The following TNS1 variants were observed in gnomAD, a reference collection of about 807,000 sequenced individuals.
TNS1 encodes the protein tensin 1, also known as tensin-1.
In TNS1, 62 loss-of-function variants were observed where a neutral mutation model predicts 168.6. That is an observed-to-expected ratio of 0.37 (90% CI 0.30 to 0.45). The LOEUF is 0.45. TNS1 is among the 20% of genes least tolerant of loss of function. TNS1 has a pLI of 1.00. For synonymous variants in TNS1, 934 were observed against 933.2 expected (o/e 1.00, Z -0.02); for missense variants, 2,240 against 2,339.4 (o/e 0.96, Z 0.88).
At chr2:217,911,586 G>A (rs554645242) in intron 4 of TNS1, among the ~76,000 whole-genome samples, 1 of 152,226 alleles carries the variant, frequency 6.6e-6, no homozygotes, top group Non-Finnish European at 1.5e-5. Context: ...CCGGAACACA[G>A]TACTGGGCTC....
chr2:217,836,907 T>C (rs1271296517), intron 19 of TNS1, among the ~76,000 whole-genome samples: 5 of 152,078 alleles, frequency 3.3e-5, no homozygotes, highest in African/African-American at 1.2e-4. Flanking sequence ...AGAGAAGTCG[T>C]GTGCTCCATC....
intron 18 of TNS1, among the ~76,000 whole-genome samples, chr2:217,870,563 G>A (rs535545906): frequency 1.3e-5 from 2 of 152,154 alleles, no homozygotes; most frequent in South Asian, 4.2e-4. Flanking sequence ...AAACAGGGAG[G>A]GAGGCTGAGG....
At chr2:217,890,846 C>T (rs574727639) in intron 12 of TNS1, 116 bp downstream of exon 12, 64 of 1,157,514 alleles carry the variant, frequency 5.5e-5, no homozygotes, top group Non-Finnish European at 6.5e-5. Flanking sequence ...AAAACTTGCG[C>T]CTGGTACACC....
chr2:217,883,794 C>T (rs1405759699), intron 16 of TNS1, among the ~76,000 whole-genome samples: 6 of 152,200 alleles, frequency 3.9e-5, no homozygotes, highest in South Asian at 2.1e-4. Context: ...TAAAGAAACA[C>T]CCTTCTACAT....
upstream of TNS1, among the ~76,000 whole-genome samples, chr2:218,011,613 G>T (rs114506309): frequency 6.6e-6 from 1 of 152,056 alleles, no homozygotes; most frequent in South Asian, 2.1e-4. Context: ...ACCAGCCAGG[G>T]TCCCTTTCCC....
chr2:217,945,449 G>A (rs1957079816), intron 3 of TNS1, among the ~76,000 whole-genome samples: 1 of 151,262 alleles, frequency 6.6e-6, no homozygotes, highest in African/African-American at 2.4e-5. Context: ...TTGGGGATAG[G>A]GGAGAGAAGG....
chr2:217,907,327 G>A, intron 4 of TNS1, 76 bp from the exon 5 acceptor site: 1 of 694,412 alleles, frequency 1.4e-6, no homozygotes, highest in Middle Eastern at 2.3e-4. Context: ...CATGGCTAGT[G>A]GCCCTGATGG....
intron 28 of TNS1, 88 bp downstream of exon 28, chr2:217,812,280 C>T (rs1436567796): frequency 2.7e-6 from 3 of 1,092,186 alleles, no homozygotes; most frequent in Non-Finnish European, 2.7e-6. Flanking sequence ...CCAGCCCTGG[C>T]CCATGTCCGG....
At chr2:217,852,438 A>G (rs1343172995) in intron 18 of TNS1, among the ~76,000 whole-genome samples, 2 of 152,176 alleles carry the variant, frequency 1.3e-5, no homozygotes, top group Non-Finnish European at 2.9e-5. Flanking sequence ...GTTCATGCTC[A>G]TGTGGTCTGA....
In TNS1 at chr2:217,926,100, T is replaced by C. The variant is rs542370059; in HGVS notation, c.187-5864A>G. 1.2e-3 allele frequency among the ~76,000 whole-genome samples: 187 copies of C among 152,054 alleles called. 1 individual carries two copies. Among genetic ancestry groups the C allele is most frequent in the Non-Finnish European group, 2.2e-3 (147 of 68,004 alleles). ...TAGAGGAAACGAGGGCACAGAAATA[T>C]ACCAGGGAAGACCATGTGAAGGCAC... On this transcript the variant is annotated intron_variant, in intron 3 of 32. Transcript: ENST00000682258.
At chr2:217,844,209 G>A (rs1250055032) in intron 19 of TNS1, among the ~76,000 whole-genome samples, 2 of 151,940 alleles carry the variant, frequency 1.3e-5, no homozygotes, top group Non-Finnish European at 2.9e-5. Context: ...CATTCCTATG[G>A]TCAGCACCCT....
chr2:217,814,761 G>C (rs956490226), intron 25 of TNS1, 151 bp downstream of exon 25: 2 of 611,214 alleles, frequency 3.3e-6, no homozygotes. Context: ...TGCAGGAAGT[G>C]CTTCCTACTG....
chr2:217,961,260 C>CAGAGAG lies in TNS1; in HGVS notation c.186+17499_186+17504dup, dbSNP rs139190494. 8.1e-3 allele frequency among the ~76,000 whole-genome samples: 1,127 copies of CAGAGAG among 139,968 alleles called. 19 individuals are homozygous for CAGAGAG. Among genetic ancestry groups the CAGAGAG allele is most frequent in the African/African-American group, 0.03 (1,060 of 34,978 alleles). The allele number at this position is 139,968 out of a possible 152,430, so 91.8% of individuals were successfully genotyped here. A position where few individuals can be genotyped will look rare whatever the true frequency, so the allele number is the denominator to read the frequency against. On this transcript the variant is annotated intron_variant, in intron 3 of 32. Coordinates refer to ENST00000682258, the MANE Select transcript of TNS1 (RefSeq NM_001387777.1). ...TCACACACACACACACACACACACA[C>CAGAGAG]AGAGAGAGAGAGAGAGAGAGGCTGA... is the stretch of plus-strand genomic sequence containing the variant.
Position 217,916,850 on chromosome 2 carries a change from C to G in TNS1, c.228+3345G>C, listed in dbSNP as rs899457876. ...GAGAAGTCCAGACAGAGAGCTGGAA[C>G]TCAACTGAGACATGAAGAAAACACA... On this transcript the variant is annotated intron_variant, in intron 4 of 32. Coordinates refer to ENST00000682258, the MANE Select transcript of TNS1 (RefSeq NM_001387777.1). Among the ~76,000 whole-genome samples the G allele has an allele frequency of 1.2e-4, 19 of 152,108 alleles. 1 individual carries two copies. The highest frequency in any genetic ancestry group is 1.2e-3 in the Admixed American group (19 of 15,282).
At chr2:217,940,851 A>C (rs1355855373) in intron 3 of TNS1, among the ~76,000 whole-genome samples, 1 of 151,770 alleles carries the variant, frequency 6.6e-6, no homozygotes, top group Admixed American at 6.6e-5. Context: ...CATCATGGGA[A>C]GCCCAAACCT....
At chr2:217,906,211 C>A (rs1422610699) in intron 6 of TNS1, 124 bp downstream of exon 6, 3 of 634,186 alleles carry the variant, frequency 4.7e-6, no homozygotes, top group South Asian at 1.8e-5. Flanking sequence ...ACAATGCCAG[C>A]CTCTCCTTCT....
intron 19 of TNS1, among the ~76,000 whole-genome samples, chr2:217,844,461 T>C (rs2125399568): frequency 6.6e-6 from 1 of 152,304 alleles, no homozygotes; most frequent in East Asian, 1.9e-4. Flanking sequence ...CCAGGCTACC[T>C]ATCCCGACTG....
In TNS1 at chr2:217,847,762, A is replaced by C; in HGVS notation, c.2755T>G (p.Ser919Ala). 1 of 1,608,318 alleles carries C rather than the reference A, an allele frequency of 6.2e-7. No individual in the cohort carries two copies. The highest frequency in any genetic ancestry group is 8.5e-7 in the Non-Finnish European group (1 of 1,175,466). ...AAACATGGCTGATAGTCATAAGGTG[A>C]GTAAGACCTGCCAGGAGGGACAGAC... ...LESVPPGRSYSPYDYQPCLAG... is the reference protein window; with the variant it reads ...LESVPPGRSYAPYDYQPCLAG... The change falls in exon 19 of 33, where the codon TCA (serine) becomes GCA (alanine). Residue 919 changes from serine to alanine, a missense_variant. Around this residue, in one of 2 missense-constraint regions of TNS1, gnomAD observed 2,131 missense variants for 2,171.2 expected, o/e 0.98. Coordinates refer to ENST00000682258, the MANE Select transcript of TNS1 (RefSeq NM_001387777.1).
At chr2:217,820,110 C>T (rs1297277220) in intron 23 of TNS1, among the ~76,000 whole-genome samples, 2 of 152,094 alleles carry the variant, frequency 1.3e-5, no homozygotes, top group African/African-American at 2.4e-5. Flanking sequence ...AAACTGGATT[C>T]TGAGGAGTGG....
Sources: allele counts gnomAD v4.1 joint callset (sites outside exome capture counted in the v4.1 genomes callset), GRCh38; gene constraint gnomAD v4.1.1; regional missense constraint gnomAD v4.1.1; transcripts MANE v1.5; gene names NCBI Gene and HGNC (gene_info 2026-07-23, HGNC 2026-07-21).